The following ZNF169 variants were observed in gnomAD, a reference collection of about 807,000 sequenced individuals.
The protein encoded by ZNF169 is zinc finger protein 169.
In ZNF169, 11 loss-of-function variants were observed where a neutral mutation model predicts 12.0. That is an observed-to-expected ratio of 0.92 (90% CI 0.58 to 1.52). ZNF169 has a LOEUF of 1.52. Among genes scored for constraint, ZNF169 ranks in the 40% most tolerant of loss-of-function variants. The probability of loss-of-function intolerance (pLI) is 0.00; values close to 1 mark genes in which losing one functional copy is unlikely to be tolerated. For synonymous variants in ZNF169, 302 were observed against 286.5 expected, an observed-to-expected ratio of 1.05 and a Z score of -0.55; for missense variants, 722 against 744.0, an observed-to-expected ratio of 0.97 and a Z score of 0.34.
Position 94,300,829 on chromosome 9 carries a change from A to G in ZNF169, c.1271A>G (p.His424Arg). ...ACTCTCATCAGGCACCAGAGGACAC[A>G]CACAGGGGAGAAGCCTTACCTGTGC... ...KVTLIRHQRTHTGEKPYLCPQ... is the reference protein window; with the variant it reads ...KVTLIRHQRTRTGEKPYLCPQ... The change falls in exon 5 of 5, where the codon CAC becomes CGC. Residue 424 changes from histidine to arginine, a missense_variant. Physicochemically the swap from His to Arg is conservative, Grantham distance 29. Transcript: ENST00000395395. 3 of 1,614,092 alleles carry G rather than the reference A, an allele frequency of 1.9e-6. No homozygotes were observed. Among genetic ancestry groups the G allele is most frequent in the Non-Finnish European group, 2.5e-6 (3 of 1,180,008 alleles).
Position 94,270,748 on chromosome 9 carries a change from AT to A in ZNF169, c.-55-8009del, listed in dbSNP as rs1830384754. ...TATATATTATATAATTAATGTATTT[AT>A]ATAATATATAAATATATATGTTATA... is the stretch of plus-strand genomic sequence containing the variant. On this transcript the variant is annotated intron_variant, in intron 1 of 4. Transcript: ENST00000395395. 7.5e-5 allele frequency among the ~76,000 whole-genome samples: 7 copies of A among 93,236 alleles called. No individual in the cohort carries two copies. The South Asian group carries it at 1.0e-3, about 14-fold the overall frequency. The allele number at this position is 93,236 out of a possible 152,430, so 61.2% of individuals were successfully genotyped here.
rs186633928 is a variant in ZNF169, at chr9:94,298,230, T to C, written c.257-1585T>C. 3.9e-5 allele frequency among the ~76,000 whole-genome samples: 6 copies of C among 151,928 alleles called. No homozygotes were observed. In the East Asian group the frequency reaches 1.2e-3, roughly 29 times the overall value. On this transcript the variant is annotated intron_variant, in intron 4 of 4. Coordinates refer to ENST00000395395, the MANE Select transcript of ZNF169 (RefSeq NM_194320.4). ...TAATCTGAGTTAAAAAGCAGGAGTC[T>C]TTAAACAAAAGTAAGATAAAAAAGA...
At chr9:94,286,721 A>G (rs1830725627) in intron 2 of ZNF169, among the ~76,000 whole-genome samples, 1 of 152,190 alleles carries the variant, frequency 6.6e-6, no homozygotes, top group African/African-American at 2.4e-5. Flanking sequence ...ATGTGATTAC[A>G]ATCATACAGA....
chr9:94,280,822 G>A (rs1010788527), intron 2 of ZNF169, among the ~76,000 whole-genome samples: 1 of 152,134 alleles, frequency 6.6e-6, no homozygotes, highest in Non-Finnish European at 1.5e-5. Context: ...TGACGGAAGG[G>A]CGGTTACTCA....
In ZNF169 at chr9:94,300,817, A is replaced by G. The variant is rs749386445; in HGVS notation, c.1259A>G (p.His420Arg). 23 of 1,613,970 alleles carry G rather than the reference A, an allele frequency of 1.4e-5. No homozygotes were observed. In the South Asian group the frequency reaches 2.4e-4, roughly 17 times the overall value. Residue 420 changes from histidine (H) to arginine (R), a missense_variant, in exon 5 of 5, where the codon CAC becomes CGC. Physicochemically the swap from His to Arg is conservative, Grantham distance 29. Transcript: ENST00000395395. ...SFRQKVTLIR[H>R]QRTHTGEKPY... ...CGCCAAAAGGTCACTCTCATCAGGC[A>G]CCAGAGGACACACACAGGGGAGAAG... is the stretch of plus-strand genomic sequence containing the variant.
Position 94,301,046 on chromosome 9 carries a change from CTTT to C in ZNF169, c.1489_1491del (p.Phe497del). ...GCCCCAAGTGTGGGCGTGCATTTGG[CTTT>C]AAGTCGCTCCTCACCCGACACCAGA... On this transcript the variant is annotated inframe_deletion, in exon 5 of 5. Transcript: ENST00000395395. The C allele has an allele frequency of 6.2e-7, 1 of 1,614,146 alleles. No individual in the cohort carries two copies. Among genetic ancestry groups the C allele is most frequent in the Non-Finnish European group, 8.5e-7 (1 of 1,180,026 alleles).
intron 1 of ZNF169, among the ~76,000 whole-genome samples, chr9:94,267,286 T>C (rs1199643217): frequency 6.6e-6 from 1 of 152,192 alleles, no homozygotes; most frequent in Non-Finnish European, 1.5e-5. Flanking sequence ...TCAGAAACCC[T>C]GTACAGGGAC....
Position 94,301,430 on chromosome 9 carries a change from CTG to C in ZNF169, c.*61_*62del. On this transcript the variant is annotated 3_prime_UTR_variant, in exon 5 of 5. Transcript: ENST00000395395. ...AATCACTAGTAAATGCTTCAGTTTC[CTG>C]AAATGGAATGGAAAAAAAAAAATGT... The C allele has an allele frequency of 2.0e-6, 3 of 1,476,204 alleles. No individual in the cohort carries two copies. The highest frequency in any genetic ancestry group is 1.8e-4 in the Middle Eastern group (1 of 5,580). 91.4% of individuals were successfully genotyped at this position (1,476,204 alleles called of 1,614,324 possible).
chr9:94,280,062 T>C (rs771072594), intron 2 of ZNF169, among the ~76,000 whole-genome samples: 21 of 152,368 alleles, frequency 1.4e-4, no homozygotes, highest in Non-Finnish European at 2.4e-4. Context: ...TCATTTTTGC[T>C]AATTCAGTTT....
intron 1 of ZNF169, among the ~76,000 whole-genome samples, chr9:94,277,103 G>A (rs972549614): frequency 4.6e-5 from 7 of 152,250 alleles, no homozygotes; most frequent in South Asian, 2.1e-4. Context: ...TCAGAAAGAC[G>A]GGACAACTCA....
At chr9:94,271,250 C>T (rs982332175) in intron 1 of ZNF169, among the ~76,000 whole-genome samples, 12 of 150,478 alleles carry the variant, frequency 8.0e-5, no homozygotes, top group African/African-American at 2.7e-4. Flanking sequence ...CACGTGCCAC[C>T]ATGCACAGCT....
At chr9:94,297,622 T>A (rs973963174) in intron 4 of ZNF169, among the ~76,000 whole-genome samples, 1 of 152,142 alleles carries the variant, frequency 6.6e-6, no homozygotes, top group African/African-American at 2.4e-5. Flanking sequence ...ATACAAAGAG[T>A]TTTTCTTAGG....
At chr9:94,291,879 G>C (rs1830847040) in intron 2 of ZNF169, among the ~76,000 whole-genome samples, 1 of 152,218 alleles carries the variant, frequency 6.6e-6, no homozygotes, top group African/African-American at 2.4e-5. Context: ...ATCCAATATA[G>C]TAAAGATGTA....
At chr9:94,271,304 C>T (rs190532956) in intron 1 of ZNF169, among the ~76,000 whole-genome samples, 103 of 151,486 alleles carry the variant, frequency 6.8e-4, no homozygotes, top group African/African-American at 2.3e-3. Flanking sequence ...ACCATGTTGC[C>T]CAGGCTGGTC....
At chr9:94,270,952 TA>T (rs1830408147) in intron 1 of ZNF169, among the ~76,000 whole-genome samples, 1 of 64,414 alleles carries the variant, frequency 1.6e-5, no homozygotes, top group African/African-American at 6.8e-5. Context: ...ATTATATAAA[TA>T]TATAAATAAT....
rs778185522 is a variant in ZNF169 at position 94,299,923 on chromosome 9, G to A, written c.365G>A (p.Ser122Asn). Residue 122 changes from serine to asparagine, a missense_variant, in exon 5 of 5, where the codon AGC (serine) becomes AAC (asparagine). Physicochemically the swap from Ser to Asn is conservative, Grantham distance 46. Transcript: ENST00000395395. ...GGCCATCCCACACAGATCTTCCCAA[G>A]CTCATCTGCAGGAGGTGACTTCCAA... ...LSGHPTQIFP[S>N]SSAGGDFQLE... is the part of the protein sequence containing the mutation. The A allele has an allele frequency of 6.2e-7, 1 of 1,614,112 alleles. No individual in the cohort carries two copies. Among genetic ancestry groups the A allele is most frequent in the Non-Finnish European group, 8.5e-7 (1 of 1,180,040 alleles).
chr9:94,273,287 T>A (rs1423512195), intron 1 of ZNF169, among the ~76,000 whole-genome samples: 2 of 151,708 alleles, frequency 1.3e-5, no homozygotes, highest in Non-Finnish European at 2.9e-5. Flanking sequence ...CCAGAAATCA[T>A]TGTCAAGACC....
rs773862155 is a variant in ZNF169 at position 94,292,397 on chromosome 9, A to G, written c.90A>G (p.Leu30=). 1.3e-5 allele frequency: 21 copies of G among 1,614,114 alleles called. No individual in the cohort carries two copies. Among genetic ancestry groups the G allele is most frequent in the Non-Finnish European group, 1.6e-5 (19 of 1,180,008 alleles). ...AVAFTQKEWK[L]LSSAQRTLYR... ...CCTTCACCCAGAAGGAGTGGAAGCT[A>G]TTGAGTTCTGCTCAGAGGACCCTGT... Residue 30 remains leucine (L), a synonymous_variant, in exon 3 of 5, where the codon CTA becomes CTG. Coordinates refer to ENST00000395395, the MANE Select transcript of ZNF169 (RefSeq NM_194320.4).
intron 1 of ZNF169, among the ~76,000 whole-genome samples, chr9:94,260,283 C>G (rs1830177712): frequency 6.6e-6 from 1 of 152,184 alleles, no homozygotes; most frequent in Admixed American, 6.5e-5. Context: ...GAACTCCTGA[C>G]CTCAAGTAAT....
Sources: allele counts gnomAD v4.1 joint callset (sites outside exome capture counted in the v4.1 genomes callset), GRCh38; gene constraint gnomAD v4.1.1; transcripts MANE v1.5; gene names NCBI Gene and HGNC (gene_info 2026-07-23, HGNC 2026-07-21).